The following MICAL3 variants were observed in gnomAD, a reference collection of about 807,000 sequenced individuals.
MICAL3 encodes [F-actin]-monooxygenase MICAL3.
Under a neutral mutation model 207.4 loss-of-function variants are expected in MICAL3, and 62 were observed. The ratio of observed to expected loss-of-function variants is 0.30; its 90% CI spans 0.24 to 0.37. The LOEUF (loss-of-function observed/expected upper bound fraction) is 0.37. MICAL3 is among the 10% of genes least tolerant of loss of function. The pLI is 1.00. For synonymous variants in MICAL3, 1,077 were observed against 1,069.3 expected, an observed-to-expected ratio of 1.01 and a Z score of -0.14; for missense variants, 2,368 against 2,635.6, an observed-to-expected ratio of 0.90 and a Z score of 2.22.
At chr22:17,882,627 TAAG>T (rs2146211336) in intron 16 of MICAL3, among the ~76,000 whole-genome samples, 1 of 152,332 alleles carries the variant, frequency 6.6e-6, no homozygotes, top group South Asian at 2.1e-4. Flanking sequence ...CACATGGACT[TAAG>T]AACTGTGAGT....
At chr22:17,977,612 G>A (rs1935715220) in intron 1 of MICAL3, among the ~76,000 whole-genome samples, 1 of 152,034 alleles carries the variant, frequency 6.6e-6, no homozygotes, top group Admixed American at 6.6e-5. Context: ...TGTTGCTGGT[G>A]GGAAAGTAAA....
chr22:17,806,128 G>T (rs1411865656), intron 29 of MICAL3, among the ~76,000 whole-genome samples: 1 of 152,220 alleles, frequency 6.6e-6, no homozygotes, highest in Non-Finnish European at 1.5e-5. Flanking sequence ...TCAGGATCAA[G>T]TTTCCGCCTC....
chr22:17,958,909 T>C (rs1340564840), intron 1 of MICAL3, among the ~76,000 whole-genome samples: 1 of 151,836 alleles, frequency 6.6e-6, no homozygotes, highest in Non-Finnish European at 1.5e-5. Context: ...TTTCATCATG[T>C]TGGCCAAGCT....
chr22:17,834,248 A>C, intron 20 of MICAL3: 1 of 1,089,408 alleles, frequency 9.2e-7, no homozygotes. Flanking sequence ...TCACTCGGTG[A>C]ACATTTCTGA....
intron 27 of MICAL3, chr22:17,815,647 G>A (rs912636567): frequency 6.6e-6 from 1 of 152,480 alleles, no homozygotes; most frequent in African/African-American, 2.4e-5. Context: ...GCCTGGCTCT[G>A]TAGAGGGTGG....
intron 2 of MICAL3, among the ~76,000 whole-genome samples, chr22:17,905,303 T>G: frequency 6.6e-6 from 1 of 150,582 alleles, no homozygotes; most frequent in East Asian, 1.9e-4. Context: ...ACCACACACA[T>G]GATTCCCGGG....
At chr22:17,860,865 T>C (rs1926447559) in intron 19 of MICAL3, 4 of 985,308 alleles carry the variant, frequency 4.1e-6, no homozygotes, top group Non-Finnish European at 4.8e-6. Flanking sequence ...AGTGTGAGGC[T>C]CCCGTGGTTC....
chr22:17,817,023 C>T (rs901087906), intron 26 of MICAL3, among the ~76,000 whole-genome samples: 2 of 128,090 alleles, frequency 1.6e-5, no homozygotes, highest in African/African-American at 6.6e-5. Context: ...CCTGGTAGCA[C>T]TGCCCTCTGC....
chr22:17,907,282 G>A (rs1296616212), intron 1 of MICAL3, among the ~76,000 whole-genome samples: 5 of 152,166 alleles, frequency 3.3e-5, no homozygotes, highest in African/African-American at 1.2e-4. Flanking sequence ...CAGCATAAAT[G>A]TTAGCCAGGC....
chr22:17,808,866 C>T lies in MICAL3; in HGVS notation c.5628G>A (p.Glu1876=), dbSNP rs772462188. ...TACCTGCTTCGCCCCGGAGCGCCTT[C>T]TCCACAGCCACGCCCCTTTCCTCCA... ...RRLEERGVAV[E]KALRGEAGMG... Residue 1876 remains glutamate (E), a synonymous_variant, in exon 29 of 32, where the codon GAG becomes GAA. Transcript: ENST00000441493. 6.4e-7 allele frequency: 1 copy of T among 1,553,158 alleles called. No individual in the cohort carries two copies.
chr22:17,970,437 G>A (rs1303283204), intron 1 of MICAL3, among the ~76,000 whole-genome samples: 1 of 152,218 alleles, frequency 6.6e-6, no homozygotes, highest in African/African-American at 2.4e-5. Context: ...AGGGCCCACT[G>A]GTTGGAGGCC....
At chr22:18,001,832 T>G (rs889123890) in intron 1 of MICAL3, among the ~76,000 whole-genome samples, 1 of 152,130 alleles carries the variant, frequency 6.6e-6, no homozygotes, top group Non-Finnish European at 1.5e-5. Context: ...AGAAGCCACA[T>G]GAAGTGGCCA....
chr22:17,819,942 CAA>C (rs58418733), intron 25 of MICAL3, among the ~76,000 whole-genome samples: 5 of 67,660 alleles, frequency 7.4e-5, no homozygotes, highest in Admixed American at 2.1e-4. Flanking sequence ...GACTCCATCT[CAA>C]AAAAAAAAAA....
At position 17,902,644 on chromosome 22, in the gene MICAL3, G is replaced by A; in HGVS notation, c.576C>T (p.Asp192=). 6.3e-7 allele frequency: 1 copy of A among 1,593,052 alleles called. No homozygotes were observed. Among genetic ancestry groups the A allele is most frequent in the Non-Finnish European group, 8.6e-7 (1 of 1,164,932 alleles). ...EFQGLIQPPE[D]QENERIGWRA... is the part of the protein sequence containing the mutation. Reference sequence around the variant, plus strand: ...AGTATAACTTACGTTCATTCTCTTGGTCCTCAGGAGGCTGTATAAGTCCTT... The same window carrying A: ...AGTATAACTTACGTTCATTCTCTTGATCCTCAGGAGGCTGTATAAGTCCTT... The change falls in exon 4 of 32, where the codon GAC becomes GAT. Residue 192 remains aspartate, a synonymous_variant. Coordinates refer to ENST00000441493, the MANE Select transcript of MICAL3 (RefSeq NM_015241.3). This position sits in a 1 kb window ranked among gnomAD's most constrained non-coding sequence, Gnocchi z 4.5.
chr22:17,991,867 G>A (rs575050468), intron 1 of MICAL3, among the ~76,000 whole-genome samples: 5 of 152,266 alleles, frequency 3.3e-5, no homozygotes, highest in Admixed American at 2.6e-4. Context: ...TGGGGGGCTC[G>A]CTACTGTGCT....
At chr22:17,948,121 C>T (rs982635953) in intron 1 of MICAL3, among the ~76,000 whole-genome samples, 1 of 152,214 alleles carries the variant, frequency 6.6e-6, no homozygotes, top group African/African-American at 2.4e-5. Flanking sequence ...CATCCACCTC[C>T]CTCCCATCCC....
chr22:17,984,337 C>A (rs554996864), intron 1 of MICAL3, among the ~76,000 whole-genome samples: 6 of 152,236 alleles, frequency 3.9e-5, no homozygotes, highest in African/African-American at 1.4e-4. Context: ...ACACTGCGCT[C>A]GACACATACC....
chr22:17,981,946 A>T (rs1284991409), intron 1 of MICAL3, among the ~76,000 whole-genome samples: 1 of 152,048 alleles, frequency 6.6e-6, no homozygotes, highest in African/African-American at 2.4e-5. Flanking sequence ...CTACAAAAAA[A>T]TTAACGAAAT....
chr22:17,957,773 CGAAA>C (rs552211691), intron 1 of MICAL3, among the ~76,000 whole-genome samples: 11 of 142,558 alleles, frequency 7.7e-5, no homozygotes, highest in East Asian at 2.0e-4. Context: ...AATGAAAGAA[CGAAA>C]GAAAGAAACT....
Sources: gnomAD v4.1 joint callset for allele counts (sites outside exome capture counted in the v4.1 genomes callset) on GRCh38, gnomAD v4.1.1 for gene constraint, Gnocchi (gnomAD v3.1) non-coding constraint, MANE v1.5 for transcripts, NCBI Gene and HGNC (gene_info 2026-07-23, HGNC 2026-07-21) for gene names.